DTNB: variants seen among roughly 807,000 people sequenced by gnomAD.
DTNB encodes DTN-B.
A neutral mutation model predicts 90.7 loss-of-function variants in DTNB; 63 were observed. The observed-to-expected ratio is 0.69, with a 90% confidence interval of 0.57 to 0.86. The LOEUF (loss-of-function observed/expected upper bound fraction) is 0.86, where lower values mean the gene tolerates loss of function less well. Among genes scored for constraint, DTNB ranks in the 40% least tolerant of loss-of-function variants. The pLI, the probability that DTNB is intolerant of heterozygous loss-of-function variation, is 0.00. For missense variants in DTNB, 744 were observed against 807.1 expected, an observed-to-expected ratio of 0.92 and a Z score of 0.95; for synonymous variants, 277 against 286.7, an observed-to-expected ratio of 0.97 and a Z score of 0.34.
intron 8 of DTNB, among the ~76,000 whole-genome samples, chr2:25,559,853 C>T (rs1247015993): frequency 6.6e-6 from 1 of 152,160 alleles, no homozygotes; most frequent in African/African-American, 2.4e-5. Flanking sequence ...GGCAATGTAA[C>T]CCAGGAGGCA....
At chr2:25,629,970 A>G (rs2075309828) in intron 3 of DTNB, among the ~76,000 whole-genome samples, 1 of 152,238 alleles carries the variant, frequency 6.6e-6, no homozygotes. Flanking sequence ...ATGGAAAAAA[A>G]TATTTGTAAA....
chr2:25,657,239 G>A (rs2082238381), intron 1 of DTNB, among the ~76,000 whole-genome samples: 1 of 151,824 alleles, frequency 6.6e-6, no homozygotes, highest in African/African-American at 2.4e-5. Context: ...AATATCCTCA[G>A]CCCAAAGCAA....
intron 2 of DTNB, among the ~76,000 whole-genome samples, chr2:25,641,165 A>C (rs1413457606): frequency 6.6e-6 from 1 of 152,184 alleles, no homozygotes; most frequent in African/African-American, 2.4e-5. Context: ...CATAAAGCCC[A>C]GTGGAAAAAG....
At chr2:25,389,049 C>T (rs545647210) in intron 16 of DTNB, among the ~76,000 whole-genome samples, 3 of 152,222 alleles carry the variant, frequency 2.0e-5, no homozygotes, top group African/African-American at 7.2e-5. Flanking sequence ...GGTTTCAACA[C>T]GTTGTCCAGG....
At chr2:25,415,039 C>A (rs1425455482) in intron 16 of DTNB, among the ~76,000 whole-genome samples, 1 of 151,988 alleles carries the variant, frequency 6.6e-6, no homozygotes, top group Non-Finnish European at 1.5e-5. Flanking sequence ...AGAGGAAAGA[C>A]AGAAGAATCA....
rs202043033 is a variant in DTNB, at chr2:25,589,359, TTTC to T, written c.603+6724_603+6726del. ...CATTCTTTGCTTATTCAGGTTTCTT[TTTC>T]TTTTCTTTTTTTTTTTTTTTTTTTT... is the stretch of plus-strand genomic sequence containing the variant. On this transcript the variant is annotated intron_variant, in intron 6 of 20. Coordinates refer to ENST00000406818, the MANE Select transcript of DTNB (RefSeq NM_021907.5). 7.9e-3 allele frequency among the ~76,000 whole-genome samples: 1,044 copies of T among 132,622 alleles called. 22 individuals carry two copies. Among genetic ancestry groups the T allele is most frequent in the African/African-American group, 0.028 (982 of 34,668 alleles). The allele number at this position is 132,622 out of a possible 152,430, so 87.0% of individuals were successfully genotyped here.
intron 8 of DTNB, among the ~76,000 whole-genome samples, chr2:25,537,351 A>G (rs1464595569): frequency 6.6e-6 from 1 of 152,206 alleles, no homozygotes; most frequent in African/African-American, 2.4e-5. Context: ...ATGTATGTGA[A>G]ATGCATTATC....
rs1033753817 is a variant in DTNB at position 25,387,980 on chromosome 2, G to A, written c.1735+222C>T. Among the ~76,000 whole-genome samples the A allele has an allele frequency of 3.3e-5, 5 of 152,212 alleles. No homozygotes were observed. Among genetic ancestry groups the A allele is most frequent in the South Asian group, 4.1e-4 (2 of 4,824 alleles). On this transcript the variant is annotated intron_variant, in intron 17 of 20. Coordinates refer to ENST00000406818, the MANE Select transcript of DTNB (RefSeq NM_021907.5). The surrounding 1 kb of genome is among the most constrained non-coding windows in gnomAD (Gnocchi z 4.5). ...CAGAAAAAAGGGCAGAGAACCCCAGGAGGCCTGTTCTTGGCACACATAGGA... is the reference window on the plus strand; with the variant it reads ...CAGAAAAAAGGGCAGAGAACCCCAGAAGGCCTGTTCTTGGCACACATAGGA...
chr2:25,406,633 A>T (rs2045265700), intron 16 of DTNB, among the ~76,000 whole-genome samples: 1 of 152,094 alleles, frequency 6.6e-6, no homozygotes, highest in Non-Finnish European at 1.5e-5. Flanking sequence ...TTTCTATAAC[A>T]CATACAACAA....
At chr2:25,472,229 C>T (rs1364881349) in intron 10 of DTNB, among the ~76,000 whole-genome samples, 5 of 152,296 alleles carry the variant, frequency 3.3e-5, no homozygotes, top group African/African-American at 1.2e-4. Flanking sequence ...CTGCGGCTCA[C>T]AGAAGATCAC....
At chr2:25,665,776 TA>T (rs11294720) in intron 1 of DTNB, among the ~76,000 whole-genome samples, 73,680 of 141,302 alleles carry the variant, frequency 0.52, 18,731 homozygotes, top group East Asian at 0.79. Flanking sequence ...CTTTCAGATT[TA>T]AAAAAAAAAA....
chr2:25,493,455 T>C (rs1180246755), intron 9 of DTNB, among the ~76,000 whole-genome samples: 3 of 152,144 alleles, frequency 2.0e-5, no homozygotes, highest in African/African-American at 7.2e-5. Context: ...CCCTATAGAC[T>C]ACCTCATTCT....
chr2:25,473,955 G>T (rs927022656), intron 10 of DTNB, among the ~76,000 whole-genome samples: 1 of 152,202 alleles, frequency 6.6e-6, no homozygotes, highest in Non-Finnish European at 1.5e-5. Context: ...CGGATGTGAC[G>T]CTTGGTCACG....
intron 8 of DTNB, among the ~76,000 whole-genome samples, chr2:25,543,354 G>A (rs2081722671): frequency 6.6e-6 from 1 of 151,162 alleles, no homozygotes; most frequent in Non-Finnish European, 1.5e-5. Context: ...CGCCCAGGCT[G>A]GAGTGCAGTG....
chr2:25,508,117 T>C (rs1558809498), intron 9 of DTNB, among the ~76,000 whole-genome samples: 1 of 152,184 alleles, frequency 6.6e-6, no homozygotes, highest in Non-Finnish European at 1.5e-5. Flanking sequence ...CTTATTACCT[T>C]CTAATATATA....
intron 8 of DTNB, among the ~76,000 whole-genome samples, chr2:25,564,419 C>T (rs1174830528): frequency 2.6e-5 from 4 of 152,102 alleles, no homozygotes; most frequent in Admixed American, 6.5e-5. Context: ...CTCTCTCTGT[C>T]ACCCACGATG....
intron 2 of DTNB, among the ~76,000 whole-genome samples, chr2:25,639,806 T>A (rs2077854407): frequency 6.6e-6 from 1 of 152,182 alleles, no homozygotes; most frequent in South Asian, 2.1e-4. Flanking sequence ...CATAGCTTGC[T>A]CTGCTCTTGC....
At chr2:25,643,496 A>C (rs2078797967) in intron 2 of DTNB, among the ~76,000 whole-genome samples, 1 of 152,234 alleles carries the variant, frequency 6.6e-6, no homozygotes, top group South Asian at 2.1e-4. Flanking sequence ...TTGTGTTGCT[A>C]GTGCAAAAAA....
intron 14 of DTNB, among the ~76,000 whole-genome samples, chr2:25,431,711 G>A (rs570193626): frequency 6.6e-6 from 1 of 152,206 alleles, no homozygotes; most frequent in African/African-American, 2.4e-5. Flanking sequence ...TGCTTTTCTA[G>A]ATATAAAACC....
Sources: gnomAD v4.1 joint callset for allele counts (sites outside exome capture counted in the v4.1 genomes callset) on GRCh38, gnomAD v4.1.1 for gene constraint, Gnocchi (gnomAD v3.1) non-coding constraint, MANE v1.5 for transcripts, NCBI Gene and HGNC (gene_info 2026-07-23, HGNC 2026-07-21) for gene names.